The following MGAT5 variants were observed in gnomAD, a reference collection of about 807,000 sequenced individuals.
MGAT5 encodes alpha-1,6-mannosylglycoprotein 6-beta-N-acetylglucosaminyltransferase A.
MGAT5 carries 30 observed loss-of-function variants against 94.3 expected under a neutral mutation model. The observed-to-expected ratio is 0.32, with a 90% confidence interval of 0.24 to 0.43. MGAT5 has a LOEUF of 0.43. Among genes scored for constraint, MGAT5 ranks in the 20% least tolerant of loss-of-function variants. The pLI is 1.00. For missense variants in MGAT5, 691 were observed against 905.5 expected, an observed-to-expected ratio of 0.76 and a Z score of 3.04; for synonymous variants, 310 against 322.9, an observed-to-expected ratio of 0.96 and a Z score of 0.43.
At chr2:134,263,695 G>A (rs1476474268) in intron 1 of MGAT5, among the ~76,000 whole-genome samples, 1 of 151,888 alleles carries the variant, frequency 6.6e-6, no homozygotes, top group African/African-American at 2.4e-5. Context: ...ATGACTTTAG[G>A]GTACTGGTGG....
chr2:134,213,459 A>G (rs60701131), intron 1 of MGAT5, among the ~76,000 whole-genome samples: 2 of 151,740 alleles, frequency 1.3e-5, no homozygotes. Flanking sequence ...GAATTATCCA[A>G]CTCTCCAGGT....
At chr2:134,354,111 C>T (rs1558817962) in intron 9 of MGAT5, among the ~76,000 whole-genome samples, 1 of 152,112 alleles carries the variant, frequency 6.6e-6, no homozygotes, top group Non-Finnish European at 1.5e-5. Context: ...AATATCAAAA[C>T]TTCTATTTAT....
chr2:134,425,724 T>C (rs1684545271), intron 13 of MGAT5, among the ~76,000 whole-genome samples: 1 of 152,072 alleles, frequency 6.6e-6, no homozygotes, highest in Non-Finnish European at 1.5e-5. Flanking sequence ...AAGTTGTCCC[T>C]GACTTGGAAA....
At chr2:134,286,918 G>A (rs1156418335) in intron 2 of MGAT5, among the ~76,000 whole-genome samples, 1 of 152,196 alleles carries the variant, frequency 6.6e-6, no homozygotes, top group Non-Finnish European at 1.5e-5. Flanking sequence ...TGGCCTTCTG[G>A]AAGCTGGTGG....
chr2:134,227,841 G>A (rs1306988254), intron 1 of MGAT5, among the ~76,000 whole-genome samples: 1 of 152,128 alleles, frequency 6.6e-6, no homozygotes, highest in Non-Finnish European at 1.5e-5. Flanking sequence ...GTAATGAGAT[G>A]GTTTTGGCAA....
In MGAT5 at chr2:134,354,758, A is replaced by G. The variant is rs551993050; in HGVS notation, c.1246+4820A>G. 4.6e-5 allele frequency among the ~76,000 whole-genome samples: 7 copies of G among 152,268 alleles called. No homozygotes were observed. The South Asian group carries it at 1.5e-3, about 32-fold the overall frequency. On this transcript the variant is annotated intron_variant, in intron 9 of 15. Coordinates refer to ENST00000281923, the MANE Select transcript of MGAT5 (RefSeq NM_002410.5). The stretch of plus-strand genomic sequence containing the variant: ...AGGGACTGGTGGCCAGACAATACTA[A>G]GGCCATTTGATTAGATCTATTAAGT...
intron 1 of MGAT5, among the ~76,000 whole-genome samples, chr2:134,167,749 G>A (rs550483469): frequency 1.3e-5 from 2 of 152,262 alleles, no homozygotes; most frequent in South Asian, 4.1e-4. Flanking sequence ...ATTAAAAATG[G>A]TTGCAAACCT....
intron 10 of MGAT5, among the ~76,000 whole-genome samples, chr2:134,387,443 T>C (rs920795432): frequency 6.7e-6 from 1 of 149,158 alleles, no homozygotes; most frequent in African/African-American, 2.5e-5. Flanking sequence ...ATTAGAGGAC[T>C]AGAGGACCTT....
intron 10 of MGAT5, among the ~76,000 whole-genome samples, chr2:134,369,014 G>A (rs926713260): frequency 1.3e-5 from 2 of 151,374 alleles, no homozygotes; most frequent in African/African-American, 4.9e-5. Context: ...GATTCATCTT[G>A]TAATCATATA....
At chr2:134,341,452 G>A in intron 6 of MGAT5, 138 bp from the exon 7 acceptor site, 1 of 689,704 alleles carries the variant, frequency 1.4e-6, no homozygotes, top group South Asian at 2.6e-5. Context: ...GTACCTTCTA[G>A]AAAAACAGCA....
rs35936767 is a variant in MGAT5, at chr2:134,387,332, A to ATTTTTT, written c.1381-15640_1381-15635dup. On this transcript the variant is annotated intron_variant, in intron 10 of 15. Coordinates refer to ENST00000281923, the MANE Select transcript of MGAT5 (RefSeq NM_002410.5). ...TATATATATATATATATATATATAT[A>ATTTTTT]TTTTTTTTTTTTTTTTTTTTTACCA... Among the ~76,000 whole-genome samples the ATTTTTT allele has an allele frequency of 5.4e-4, 13 of 24,258 alleles. 1 individual carries two copies. The highest frequency in any genetic ancestry group is 2.2e-3 in the African/African-American group (11 of 4,970). The allele number at this position is 24,258 out of a possible 152,430, so 15.9% of individuals were successfully genotyped here. A position where few individuals can be genotyped will look rare whatever the true frequency, so the allele number is the denominator to read the frequency against.
chr2:134,270,341 G>A (rs757526053), intron 1 of MGAT5, 45 bp from the exon 2 acceptor site: 6 of 1,579,086 alleles, frequency 3.8e-6, no homozygotes, highest in Non-Finnish European at 5.2e-6. Context: ...AGACAGATAT[G>A]TAGAGGCCAT....
At chr2:134,314,180 C>G (rs1253352881) in intron 2 of MGAT5, among the ~76,000 whole-genome samples, 1 of 152,180 alleles carries the variant, frequency 6.6e-6, no homozygotes, top group East Asian at 1.9e-4. Context: ...CCAGTTTCTC[C>G]CAGTCACAGA....
Position 134,176,213 on chromosome 2 carries a change from G to T in MGAT5, c.-143+55922G>T, listed in dbSNP as rs146396444. On this transcript the variant is annotated intron_variant, in intron 1 of 16. Coordinates refer to the MGAT5 transcript ENST00000409645. The stretch of plus-strand genomic sequence containing the variant: ...GAGTAAAGCAGGAAGGATTGGGAAG[G>T]GGGTGTGGAGGCCTTGGGAATTGGC... 3.8e-3 allele frequency among the ~76,000 whole-genome samples: 581 copies of T among 151,986 alleles called. 5 individuals carry two copies. The highest frequency in any genetic ancestry group is 0.013 in the African/African-American group (551 of 41,438).
intron 4 of MGAT5, among the ~76,000 whole-genome samples, chr2:134,329,444 C>T (rs1184000726): frequency 6.6e-6 from 1 of 152,026 alleles, no homozygotes; most frequent in African/African-American, 2.4e-5. Flanking sequence ...AGTACTGCCA[C>T]GCAGCGGGAG....
At position 134,452,142 on chromosome 2, in the gene MGAT5, C is replaced by T. The variant is rs1686139824; in HGVS notation, c.*3295C>T. On this transcript the variant is annotated 3_prime_UTR_variant, in exon 16 of 16. Transcript: ENST00000281923. ...TGTTGAAGCTGGACACCAGACGCTCCCTATAACCCCCCCGCCAGGCCATAG... is the reference window on the plus strand; with the variant it reads ...TGTTGAAGCTGGACACCAGACGCTCTCTATAACCCCCCCGCCAGGCCATAG... The T allele has an allele frequency of 6.6e-6, 1 of 152,210 alleles. No individual in the cohort carries two copies. The highest frequency in any genetic ancestry group is 2.4e-5 in the African/African-American group (1 of 41,432). 9.4% of individuals were successfully genotyped at this position (152,210 alleles called of 1,614,324 possible).
At chr2:134,355,724 A>G (rs1679692333) in intron 9 of MGAT5, among the ~76,000 whole-genome samples, 1 of 152,226 alleles carries the variant, frequency 6.6e-6, no homozygotes. Context: ...ATTTTCCGGT[A>G]TTTGGATAGC....
chr2:134,302,763 TGTGTGTG>T, intron 2 of MGAT5, among the ~76,000 whole-genome samples: 1 of 140,114 alleles, frequency 7.1e-6, no homozygotes, highest in Admixed American at 7.0e-5. Context: ...TGTGTGTGTG[TGTGTGTG>T]TTTTCCAGCC....
At chr2:134,415,636 T>A (rs1320753901) in intron 12 of MGAT5, among the ~76,000 whole-genome samples, 1 of 152,222 alleles carries the variant, frequency 6.6e-6, no homozygotes, top group Non-Finnish European at 1.5e-5. Flanking sequence ...GCAATCTCAG[T>A]TGCCTGTTTT....
Sources: gnomAD v4.1 joint callset for allele counts (sites outside exome capture counted in the v4.1 genomes callset) on GRCh38, gnomAD v4.1.1 for gene constraint, MANE v1.5 for transcripts, NCBI Gene and HGNC (gene_info 2026-07-23, HGNC 2026-07-21) for gene names.